Variants in DIAPH3 observed in about 807,000 individuals in gnomAD.
DIAPH3 encodes protein diaphanous homolog 3.
A neutral mutation model predicts 144.3 loss-of-function variants in DIAPH3; 117 were observed. The observed-to-expected ratio is 0.81, with a 90% confidence interval of 0.70 to 0.95. The LOEUF (loss-of-function observed/expected upper bound fraction) is 0.95. Among genes scored for constraint, DIAPH3 ranks in the 40% least tolerant of loss-of-function variants. The pLI, the probability that DIAPH3 is intolerant of heterozygous loss-of-function variation, is 0.00. For synonymous variants in DIAPH3, 519 were observed against 488.9 expected (o/e 1.06, Z -0.81); for missense variants, 1,421 against 1,412.7 (o/e 1.01, Z -0.09).
At chr13:60,027,706 A>G (rs1194542191) in intron 5 of DIAPH3, among the ~76,000 whole-genome samples, 1 of 152,186 alleles carries the variant, frequency 6.6e-6, no homozygotes, top group Non-Finnish European at 1.5e-5. Flanking sequence ...TAAAAAAGGA[A>G]ATATCTTATT....
chr13:59,862,052 C>A lies in DIAPH3; in HGVS notation c.2608-516G>T, dbSNP rs149669543. On this transcript the variant is annotated intron_variant, in intron 21 of 27. Transcript: ENST00000400324. Reference sequence around the variant, plus strand: ...CATTTAGGAGGACATGACAATGGAACTGAGACTTCAAAGACAGGAAGTTGT... The same window carrying A: ...CATTTAGGAGGACATGACAATGGAAATGAGACTTCAAAGACAGGAAGTTGT... Among the ~76,000 whole-genome samples the A allele has an allele frequency of 3.1e-4, 47 of 152,160 alleles. No individual in the cohort carries two copies. The East Asian group carries it at 8.3e-3, about 27-fold the overall frequency.
intron 1 of DIAPH3, among the ~76,000 whole-genome samples, chr13:60,135,852 C>G (rs1291322834): frequency 1.3e-5 from 2 of 152,104 alleles, no homozygotes; most frequent in Non-Finnish European, 2.9e-5. Flanking sequence ...CCCTTAAAAA[C>G]TGGAATGTCT....
intron 24 of DIAPH3, among the ~76,000 whole-genome samples, chr13:59,823,709 T>C (rs1041817601): frequency 2.6e-5 from 4 of 152,172 alleles, no homozygotes; most frequent in African/African-American, 9.7e-5. Context: ...ATGATCTAGT[T>C]GGTCCACACA....
intron 27 of DIAPH3, among the ~76,000 whole-genome samples, chr13:59,700,152 C>G (rs2034022075): frequency 6.6e-6 from 1 of 152,130 alleles, no homozygotes; most frequent in Admixed American, 6.5e-5. Flanking sequence ...TCCCATTTAG[C>G]CCATTATTTC....
intron 27 of DIAPH3, 90 bp downstream of exon 27, chr13:59,774,097 CTT>C: frequency 7.8e-7 from 1 of 1,275,946 alleles, no homozygotes; most frequent in Non-Finnish European, 1.1e-6. Context: ...TATATTGGAA[CTT>C]GAGAATTTCA....
At chr13:59,680,072 C>T (rs372179544) in intron 27 of DIAPH3, among the ~76,000 whole-genome samples, 1 of 152,226 alleles carries the variant, frequency 6.6e-6, no homozygotes, top group South Asian at 2.1e-4. Context: ...TTCTTGGTCA[C>T]AAGCAGCACC....
At chr13:59,865,093 A>G (rs554836747) in intron 21 of DIAPH3, among the ~76,000 whole-genome samples, 1 of 152,086 alleles carries the variant, frequency 6.6e-6, no homozygotes, top group East Asian at 1.9e-4. Flanking sequence ...CTCTAGAAAA[A>G]TTTCACAATG....
At chr13:59,735,717 T>G (rs542119449) in intron 27 of DIAPH3, among the ~76,000 whole-genome samples, 1 of 152,350 alleles carries the variant, frequency 6.6e-6, no homozygotes, top group South Asian at 2.1e-4. Flanking sequence ...CACGGGATCC[T>G]GTCAAAGAGA....
intron 27 of DIAPH3, among the ~76,000 whole-genome samples, chr13:59,699,811 A>G (rs576889465): frequency 4.0e-4 from 61 of 152,320 alleles, no homozygotes; most frequent in African/African-American, 1.4e-3. Context: ...TTGAGTATGC[A>G]GCTCATTCAC....
At chr13:59,720,794 T>C (rs1264683692) in intron 27 of DIAPH3, among the ~76,000 whole-genome samples, 3 of 152,214 alleles carry the variant, frequency 2.0e-5, no homozygotes, top group African/African-American at 2.4e-5. Context: ...TTGGTAGTTA[T>C]GTAAGCTAGT....
At chr13:59,868,046 G>A (rs767053745) in intron 21 of DIAPH3, among the ~76,000 whole-genome samples, 1 of 152,082 alleles carries the variant, frequency 6.6e-6, no homozygotes, top group South Asian at 2.1e-4. Flanking sequence ...TGGCAGGGTC[G>A]CAGTGAGACT....
intron 18 of DIAPH3, among the ~76,000 whole-genome samples, chr13:59,920,659 C>T (rs1420540327): frequency 6.6e-6 from 1 of 151,576 alleles, no homozygotes; most frequent in Non-Finnish European, 1.5e-5. Flanking sequence ...GACTTCAATG[C>T]CTCATTTTCA....
At chr13:59,716,949 A>C (rs925015815) in intron 27 of DIAPH3, among the ~76,000 whole-genome samples, 11 of 150,408 alleles carry the variant, frequency 7.3e-5, no homozygotes, top group African/African-American at 2.7e-4. Flanking sequence ...GGACCTATTA[A>C]AAAAAAAAGT....
chr13:60,132,075 A>G (rs1187763045), intron 2 of DIAPH3, among the ~76,000 whole-genome samples: 2 of 152,214 alleles, frequency 1.3e-5, no homozygotes, highest in Admixed American at 1.3e-4. Flanking sequence ...ATATGTAAAT[A>G]TGCTTTTCTT....
At position 60,072,602 on chromosome 13, in the gene DIAPH3, CTT is replaced by C. The variant is rs1401754902; in HGVS notation, c.495+21024_495+21025del. Among the ~76,000 whole-genome samples, 3 of 151,986 alleles carry C rather than the reference CTT, an allele frequency of 2.0e-5. No individual in the cohort carries two copies. In the East Asian group the frequency reaches 5.8e-4, roughly 29 times the overall value. Reference sequence around the variant, plus strand: ...AAGAAACACTAGATTACAAATGTATCTTTATCAAAATATACCTCATACTGCTT... The same window carrying C: ...AAGAAACACTAGATTACAAATGTATCTATCAAAATATACCTCATACTGCTT... On this transcript the variant is annotated intron_variant, in intron 4 of 27. Transcript: ENST00000400324.
intron 3 of DIAPH3, among the ~76,000 whole-genome samples, chr13:60,105,093 C>T (rs2058374764): frequency 1.7e-4 from 2 of 11,498 alleles, no homozygotes; most frequent in Admixed American, 1.9e-3. Flanking sequence ...AAGTGAGACA[C>T]GATCTCAAAA....
rs531968698 is a variant in DIAPH3, at chr13:59,898,535, T to G, written c.2367+13200A>C. On this transcript the variant is annotated intron_variant, in intron 20 of 27. Coordinates refer to ENST00000400324, the MANE Select transcript of DIAPH3 (RefSeq NM_001042517.2). Reference sequence around the variant, plus strand: ...CTCAATAAGCCAAGAGCTAAATGATTTTAGTTTTTCATATTTAAAATAAAT... The same window carrying G: ...CTCAATAAGCCAAGAGCTAAATGATGTTAGTTTTTCATATTTAAAATAAAT... Among the ~76,000 whole-genome samples the G allele has an allele frequency of 2.0e-5, 3 of 152,326 alleles. No individual in the cohort carries two copies. In the South Asian group the frequency reaches 6.2e-4, roughly 32 times the overall value.
intron 13 of DIAPH3, 130 bp from the exon 14 acceptor site, chr13:59,980,989 A>C: frequency 1.6e-5 from 11 of 699,954 alleles, no homozygotes; most frequent in Non-Finnish European, 2.6e-5. Flanking sequence ...AACAAAATGG[A>C]AAAAATATTA....
At chr13:60,058,680 A>G (rs1178198242) in intron 4 of DIAPH3, among the ~76,000 whole-genome samples, 5 of 151,970 alleles carry the variant, frequency 3.3e-5, no homozygotes, top group Admixed American at 2.6e-4. Flanking sequence ...ATGTGTATGT[A>G]TATATATACA....
Sources: gnomAD v4.1 joint callset for allele counts (sites outside exome capture counted in the v4.1 genomes callset) on GRCh38, gnomAD v4.1.1 for gene constraint, MANE v1.5 for transcripts, NCBI Gene and HGNC (gene_info 2026-07-23, HGNC 2026-07-21) for gene names.